CPHXL: variants seen among roughly 807,000 people sequenced by gnomAD.
CPHXL encodes the protein cytoplasmic polyadenylated homeobox like.
chr16:75,725,386 T>A (rs1959541114), intron 1 of CPHXL, among the ~76,000 whole-genome samples: 1 of 152,060 alleles, frequency 6.6e-6, no homozygotes, highest in South Asian at 2.1e-4. Flanking sequence ...CCTACTGGGT[T>A]CAAGCTATTC....
At chr16:75,725,327 C>T (rs1179778715) in intron 1 of CPHXL, among the ~76,000 whole-genome samples, 1 of 152,112 alleles carries the variant, frequency 6.6e-6, no homozygotes, top group African/African-American at 2.4e-5. Context: ...CTCCCTCTGT[C>T]GCCTAGGCTG....
intron 1 of CPHXL, among the ~76,000 whole-genome samples, chr16:75,725,440 C>A (rs2151840679): frequency 6.6e-6 from 1 of 151,722 alleles, no homozygotes; most frequent in African/African-American, 2.4e-5. Context: ...ACATAGGCAC[C>A]ACTGTGGCTT....
rs1170037400 is a variant in CPHXL, at chr16:75,726,433, C to G, written c.10G>C (p.Asp4His). The G allele has an allele frequency of 5.0e-6, 2 of 398,476 alleles. No homozygotes were observed. Among genetic ancestry groups the G allele is most frequent in the East Asian group, 3.6e-5 (1 of 28,074 alleles). The allele number at this position is 398,476 out of a possible 1,614,324, so 24.7% of individuals were successfully genotyped here. ...GGGAACTTACCACCTGAAGTGCCGT[C>G]CAAATTCATCTTGGGGTAGAAGACC... MNLDGTSGGFPAEE... is the reference protein window; with the variant it reads MNLHGTSGGFPAEE... The change falls in exon 1 of 3, where the codon GAC becomes CAC. Residue 4 changes from aspartate to histidine, a missense_variant. By Grantham distance (81) the Asp-to-His change is moderately conservative. Transcript: ENST00000640559.
chr16:75,723,050 C>A (rs1195827697), intron 1 of CPHXL, among the ~76,000 whole-genome samples: 1 of 152,078 alleles, frequency 6.6e-6, no homozygotes, highest in African/African-American at 2.4e-5. Context: ...AAATTCAACA[C>A]TCCTTCATGC....
At chr16:75,717,773 T>C (rs1959414609) in intron 2 of CPHXL, among the ~76,000 whole-genome samples, 1 of 152,186 alleles carries the variant, frequency 6.6e-6, no homozygotes, top group Admixed American at 6.5e-5. Context: ...TTTTCATTTG[T>C]GGTTAGTTAA....
chr16:75,720,806 T>C (rs1007607698), intron 1 of CPHXL, among the ~76,000 whole-genome samples: 1 of 152,076 alleles, frequency 6.6e-6, no homozygotes, highest in African/African-American at 2.4e-5. Flanking sequence ...AATTGTCAGA[T>C]TCACCAAAGT....
chr16:75,718,515 C>A, intron 1 of CPHXL, 57 bp from the exon 2 acceptor site: 1 of 397,670 alleles, frequency 2.5e-6, no homozygotes, highest in Non-Finnish European at 4.4e-6. Context: ...ATAACCAGAC[C>A]AAAGAAGAGT....
intron 1 of CPHXL, among the ~76,000 whole-genome samples, chr16:75,724,710 A>C (rs543464837): frequency 1.3e-5 from 2 of 152,322 alleles, no homozygotes; most frequent in East Asian, 3.9e-4. Context: ...TGTGGAAGTC[A>C]GTGTGGCGAT....
At chr16:75,715,494 AG>A (rs1231531816) in intron 2 of CPHXL, among the ~76,000 whole-genome samples, 1 of 152,166 alleles carries the variant, frequency 6.6e-6, no homozygotes, top group Non-Finnish European at 1.5e-5. Flanking sequence ...TTGGCTTCCC[AG>A]AATCTCTCCC....
At position 75,725,565 on chromosome 16, in the gene CPHXL, G is replaced by A. The variant is rs1959544842; in HGVS notation, c.25+853C>T. On this transcript the variant is annotated intron_variant, in intron 1 of 2. Transcript: ENST00000640559. The stretch of plus-strand genomic sequence containing the variant: ...CCTCCCGGGTTCACGCCATTCTCCT[G>A]CCTCAGCCTCCCAAGTAGCTGGGAC... Among the ~76,000 whole-genome samples, 4 of 151,006 alleles carry A rather than the reference G, an allele frequency of 2.6e-5. No individual in the cohort carries two copies. In the Admixed American group the frequency reaches 2.7e-4, roughly 10 times the overall value.
chr16:75,719,223 G>T (rs1745986917), intron 1 of CPHXL, among the ~76,000 whole-genome samples: 1 of 152,330 alleles, frequency 6.6e-6, no homozygotes, highest in East Asian at 1.9e-4. Context: ...GAGGTACTGG[G>T]TTCATCTCAC....
chr16:75,721,391 T>C (rs971425424), intron 1 of CPHXL, among the ~76,000 whole-genome samples: 9 of 151,750 alleles, frequency 5.9e-5, no homozygotes, highest in Non-Finnish European at 8.8e-5. Context: ...AGGCTCAAAA[T>C]AAAGGGATGG....
At chr16:75,723,029 G>A (rs1959500955) in intron 1 of CPHXL, among the ~76,000 whole-genome samples, 1 of 152,128 alleles carries the variant, frequency 6.6e-6, no homozygotes, top group African/African-American at 2.4e-5. Flanking sequence ...ACGCAGAAAA[G>A]GCCTTTGACA....
At chr16:75,721,246 A>G (rs1959473143) in intron 1 of CPHXL, among the ~76,000 whole-genome samples, 1 of 152,222 alleles carries the variant, frequency 6.6e-6, no homozygotes, top group South Asian at 2.1e-4. Flanking sequence ...AAATTCACAC[A>G]TAACAATATT....
chr16:75,719,930 A>G (rs1358703443), intron 1 of CPHXL, among the ~76,000 whole-genome samples: 1 of 152,112 alleles, frequency 6.6e-6, no homozygotes, highest in African/African-American at 2.4e-5. Flanking sequence ...TCAGGCAGCA[A>G]CATTTGCTGC....
chr16:75,715,759 T>G (rs12597472), intron 2 of CPHXL, among the ~76,000 whole-genome samples: 26,498 of 151,814 alleles, frequency 0.17, 3,562 homozygotes, highest in East Asian at 0.66. Context: ...TGCAATGGTG[T>G]GATCTCAGCT....
intron 1 of CPHXL, among the ~76,000 whole-genome samples, chr16:75,722,040 T>A (rs928033521): frequency 6.6e-6 from 1 of 152,232 alleles, no homozygotes; most frequent in African/African-American, 2.4e-5. Flanking sequence ...GAAACAAAGA[T>A]GTTCTTTGAA....
intron 1 of CPHXL, among the ~76,000 whole-genome samples, chr16:75,722,440 C>A (rs975979565): frequency 1.1e-4 from 17 of 152,170 alleles, no homozygotes; most frequent in Non-Finnish European, 1.9e-4. Context: ...ACTGATCCCA[C>A]AGAAATACAA....
intron 1 of CPHXL, among the ~76,000 whole-genome samples, chr16:75,719,844 G>T (rs1240455407): frequency 6.6e-6 from 1 of 152,114 alleles, no homozygotes; most frequent in Admixed American, 6.5e-5. Context: ...CTAACTGGGA[G>T]ACACCCCCCA....
Sources: allele counts gnomAD v4.1 joint callset (sites outside exome capture counted in the v4.1 genomes callset), GRCh38; gene constraint gnomAD v4.1.1; transcripts MANE v1.5; gene names NCBI Gene and HGNC (gene_info 2026-07-23, HGNC 2026-07-21).